The following ARF3 variants were observed in gnomAD, a reference collection of about 807,000 sequenced individuals.
ARF3 encodes the protein ADP-ribosylation factor 3.
A neutral mutation model predicts 19.3 loss-of-function variants in ARF3; 5 were observed. That is an observed-to-expected ratio of 0.26 (90% CI 0.14 to 0.54). The LOEUF is 0.54. ARF3 is among the 20% of genes least tolerant of loss of function. ARF3 has a pLI of 0.95. For missense variants in ARF3, 77 were observed against 234.2 expected, an observed-to-expected ratio of 0.33 and a Z score of 4.38; for synonymous variants, 71 against 89.2, an observed-to-expected ratio of 0.80 and a Z score of 1.15.
At chr12:48,952,698 C>A (rs1291585658) in intron 1 of ARF3, among the ~76,000 whole-genome samples, 2 of 152,206 alleles carry the variant, frequency 1.3e-5, no homozygotes, top group African/African-American at 2.4e-5. Flanking sequence ...CAAGGCCAAC[C>A]ATTATACAGA....
intron 1 of ARF3, chr12:48,953,016 G>A (rs987344960): frequency 6.6e-6 from 1 of 152,142 alleles, no homozygotes; most frequent in African/African-American, 2.4e-5. Flanking sequence ...ATGAGAAAAA[G>A]GCTGGAAAGT....
At position 48,939,255 on chromosome 12, in the gene ARF3, T is replaced by A; in HGVS notation, c.385-147A>T. 1 of 968,120 alleles carries A rather than the reference T, an allele frequency of 1.0e-6. No homozygotes were observed. Among genetic ancestry groups the A allele is most frequent in the Non-Finnish European group, 1.5e-6 (1 of 672,926 alleles). The allele number at this position is 968,120 out of a possible 1,614,324, so 60.0% of individuals were successfully genotyped here. On this transcript the variant is annotated intron_variant, in intron 4 of 4. Transcript: ENST00000256682. This position sits in a 1 kb window ranked among gnomAD's most constrained non-coding sequence, Gnocchi z 4.8. ...AGAACAAGATCCTAAGGAGCTACTT[T>A]GGATTTAGTCACCTAGAACTCAAGA...
intron 1 of ARF3, among the ~76,000 whole-genome samples, chr12:48,946,227 A>G (rs1164879966): frequency 1.3e-5 from 2 of 152,178 alleles, no homozygotes; most frequent in African/African-American, 2.4e-5. Flanking sequence ...CCCTACCACC[A>G]AGATGGTAGC....
chr12:48,952,238 G>A lies in ARF3; in HGVS notation c.-94+5072C>T, dbSNP rs541352979. On this transcript the variant is annotated intron_variant, in intron 1 of 4. Transcript: ENST00000256682. ...CAGCTGTGAAGTGAAGAAGGATCCC[G>A]AACCGCCCTGTCTGATGGAGACCCA... Among the ~76,000 whole-genome samples the A allele has an allele frequency of 1.6e-3, 241 of 152,288 alleles. 3 individuals carry two copies. Among genetic ancestry groups the A allele is most frequent in the African/African-American group, 7.2e-5 (3 of 41,574 alleles).
At chr12:48,956,908 G>C (rs954019829) in intron 1 of ARF3, 1 of 151,862 alleles carries the variant, frequency 6.6e-6, no homozygotes, top group African/African-American at 2.4e-5. Flanking sequence ...GGGGGAGGGA[G>C]AGGGAGTAGA....
At chr12:48,955,199 T>C (rs941075318) in intron 1 of ARF3, among the ~76,000 whole-genome samples, 3 of 152,186 alleles carry the variant, frequency 2.0e-5, no homozygotes, top group Non-Finnish European at 4.4e-5. Flanking sequence ...GTGCACTTAG[T>C]ATTTCACTCA....
At chr12:48,950,568 C>T (rs1056555019) in intron 1 of ARF3, among the ~76,000 whole-genome samples, 1 of 152,038 alleles carries the variant, frequency 6.6e-6, no homozygotes, top group Admixed American at 6.6e-5. Flanking sequence ...AATTCAGTAG[C>T]GTTAAGTACA....
intron 1 of ARF3, among the ~76,000 whole-genome samples, chr12:48,947,633 C>T (rs546949502): frequency 5.9e-5 from 9 of 152,202 alleles, no homozygotes; most frequent in African/African-American, 1.7e-4. Flanking sequence ...ATTGGGCATA[C>T]TGAACTAGGG....
intron 1 of ARF3, among the ~76,000 whole-genome samples, chr12:48,949,620 G>A (rs527791705): frequency 2.6e-5 from 4 of 152,212 alleles, no homozygotes; most frequent in South Asian, 2.1e-4. Context: ...ATGGCTCACT[G>A]CAGCCTCCAT....
In ARF3 at chr12:48,940,176, G is replaced by A. The variant is rs1940228788; in HGVS notation, c.149-69C>T. On this transcript the variant is annotated intron_variant, in intron 2 of 4. Transcript: ENST00000256682. ...AGCCCCGCAAACACCACCACAATGAGTTTGGTTCTGCTTTCCCCCAGTGGT... is the reference window on the plus strand; with the variant it reads ...AGCCCCGCAAACACCACCACAATGAATTTGGTTCTGCTTTCCCCCAGTGGT... 3.0e-6 allele frequency: 4 copies of A among 1,325,490 alleles called. No individual in the cohort carries two copies. The South Asian group carries it at 3.5e-5, about 12-fold the overall frequency. 82.1% of individuals were successfully genotyped at this position (1,325,490 alleles called of 1,614,324 possible).
intron 1 of ARF3, among the ~76,000 whole-genome samples, chr12:48,951,925 C>T (rs961676698): frequency 2.0e-5 from 3 of 151,508 alleles, no homozygotes. Context: ...AATAAAATAG[C>T]GGGCAGAAAA....
chr12:48,944,437 T>C (rs148512743), intron 1 of ARF3, among the ~76,000 whole-genome samples: 1 of 152,356 alleles, frequency 6.6e-6, no homozygotes, highest in Non-Finnish European at 1.5e-5. Context: ...TTGAATGACC[T>C]TAACCACTCA....
chr12:48,941,278 T>C (rs1357783345), intron 1 of ARF3, 90 bp from the exon 2 acceptor site: 8 of 680,734 alleles, frequency 1.2e-5, no homozygotes, highest in Non-Finnish European at 1.4e-5. Context: ...CTAGAGTTCA[T>C]TCATGACAAA....
intron 2 of ARF3, 151 bp from the exon 3 acceptor site, chr12:48,940,258 T>TAACCTA: frequency 1.5e-6 from 1 of 673,570 alleles, no homozygotes; most frequent in East Asian, 2.7e-5. Context: ...TGATAATCGT[T>TAACCTA]AAGCTAGCAG....
At chr12:48,948,553 C>T (rs1423960628) in intron 1 of ARF3, among the ~76,000 whole-genome samples, 1 of 152,146 alleles carries the variant, frequency 6.6e-6, no homozygotes, top group Non-Finnish European at 1.5e-5. Flanking sequence ...TAGCTCACGC[C>T]TGTAATCCCA....
In ARF3 at chr12:48,938,243, T is replaced by C. The variant is rs1424849224; in HGVS notation, c.*704A>G. The C allele has an allele frequency of 8.1e-6, 3 of 368,846 alleles. No homozygotes were observed. The Admixed American group carries it at 9.9e-5, about 12-fold the overall frequency. 22.8% of individuals were successfully genotyped at this position (368,846 alleles called of 1,614,324 possible). ...AAATGGTGGTGAAGAATCCATCATC[T>C]GTCCTATCATCCAGAAAAACCTACC... is the stretch of plus-strand genomic sequence containing the variant. On this transcript the variant is annotated 3_prime_UTR_variant, in exon 5 of 5. Transcript: ENST00000256682.
At chr12:48,948,476 G>A (rs958574871) in intron 1 of ARF3, among the ~76,000 whole-genome samples, 3 of 151,844 alleles carry the variant, frequency 2.0e-5, no homozygotes, top group Admixed American at 6.6e-5. Flanking sequence ...GGTTGGTCTC[G>A]AACTTCTGAC....
intron 1 of ARF3, among the ~76,000 whole-genome samples, chr12:48,945,296 T>G (rs867971709): frequency 6.6e-6 from 1 of 150,892 alleles, no homozygotes; most frequent in Non-Finnish European, 1.5e-5. Context: ...AACCCAAAAA[T>G]TGGCCGGGTG....
Position 48,939,582 on chromosome 12 carries a change from A to G in ARF3, c.384+73T>C. 6.2e-7 allele frequency: 1 copy of G among 1,603,856 alleles called. No homozygotes were observed. The highest frequency in any genetic ancestry group is 8.5e-7 in the Non-Finnish European group (1 of 1,172,522). ...GCATACTAAAAGGGTTAACCATATA[A>G]TAGGCCCAAGAGCCAACAATTTCCA... On this transcript the variant is annotated intron_variant, in intron 4 of 4. Coordinates refer to ENST00000256682, the MANE Select transcript of ARF3 (RefSeq NM_001659.3). This position sits in a 1 kb window ranked among gnomAD's most constrained non-coding sequence, Gnocchi z 4.8.
Sources: allele counts gnomAD v4.1 joint callset (sites outside exome capture counted in the v4.1 genomes callset), GRCh38; gene constraint gnomAD v4.1.1; non-coding constraint Gnocchi (gnomAD v3.1); transcripts MANE v1.5; gene names NCBI Gene and HGNC (gene_info 2026-07-23, HGNC 2026-07-21).